MED12L: variants seen among roughly 807,000 people sequenced by gnomAD.
The protein encoded by MED12L is mediator of RNA polymerase II transcription subunit 12-like protein.
In MED12L, 60 loss-of-function variants were observed where a neutral mutation model predicts 281.3. The observed-to-expected ratio is 0.21, with a 90% CI of 0.17 to 0.26. The LOEUF (loss-of-function observed/expected upper bound fraction) is 0.26. Ranked by LOEUF, MED12L falls within the 10% of genes least tolerant of loss-of-function variation. MED12L has a pLI of 1.00. For synonymous variants in MED12L, 974 were observed against 987.2 expected (o/e 0.99, Z 0.25); for missense variants, 2,146 against 2,680.9 (o/e 0.80, Z 4.41).
At chr3:151,393,277 G>C (rs1200633019) in intron 38 of MED12L, among the ~76,000 whole-genome samples, 1 of 152,160 alleles carries the variant, frequency 6.6e-6, no homozygotes, top group African/African-American at 2.4e-5. Flanking sequence ...AAAAGAAGGG[G>C]AAGTAGATAA....
chr3:151,145,098 T>C (rs1010705240), intron 5 of MED12L, among the ~76,000 whole-genome samples: 3 of 152,222 alleles, frequency 2.0e-5, no homozygotes, highest in Non-Finnish European at 4.4e-5. Flanking sequence ...GAACACTTAC[T>C]AGCCCTGTTT....
At chr3:151,412,251 A>G (rs956125375) in intron 41 of MED12L, among the ~76,000 whole-genome samples, 3 of 152,230 alleles carry the variant, frequency 2.0e-5, no homozygotes, top group Non-Finnish European at 4.4e-5. Flanking sequence ...AAAAGGCTTC[A>G]TGCTTAGTTT....
At chr3:151,329,104 A>T in intron 16 of MED12L, 1 of 810,098 alleles carries the variant, frequency 1.2e-6, no homozygotes, top group East Asian at 2.6e-5. Context: ...TGTTTATAGC[A>T]TATTAACATC....
At chr3:151,337,655 A>T (rs943018779) in intron 16 of MED12L, 8 of 696,608 alleles carry the variant, frequency 1.1e-5, no homozygotes, top group Non-Finnish European at 1.9e-5. Context: ...ATAGCTTTTC[A>T]TACTGGAAAG....
At chr3:151,167,706 G>A (rs1026014910) in intron 11 of MED12L, among the ~76,000 whole-genome samples, 5 of 152,212 alleles carry the variant, frequency 3.3e-5, no homozygotes, top group African/African-American at 9.6e-5. Context: ...CTTCAGTGGA[G>A]CATGCTGATA....
rs188785565 is a variant in MED12L at position 151,430,438 on chromosome 3, G to A, written c.6490+58G>A. ...CTCCCGGAAAATTAAAAATAAGCCA[G>A]CGAAACGTAAAGTGGCGGCTCTCCC... On this transcript the variant is annotated intron_variant, in intron 44 of 44. Transcript: ENST00000687756. The A allele has an allele frequency of 2.0e-3, 3,275 of 1,605,350 alleles. 5 individuals carry two copies. Among genetic ancestry groups the A allele is most frequent in the Middle Eastern group, 2.7e-3 (16 of 6,020 alleles).
chr3:151,382,786 T>G, intron 33 of MED12L, 41 bp downstream of exon 33: 4 of 1,512,118 alleles, frequency 2.6e-6, no homozygotes, highest in Non-Finnish European at 3.6e-6. Context: ...TTAAACATAT[T>G]TACATGTGAA....
At chr3:151,239,385 G>A (rs1466302156) in intron 16 of MED12L, among the ~76,000 whole-genome samples, 1 of 152,202 alleles carries the variant, frequency 6.6e-6, no homozygotes, top group Admixed American at 6.5e-5. Context: ...TTATTTATCT[G>A]TATGGGATTG....
At chr3:151,261,490 A>G (rs1249547411) in intron 16 of MED12L, 1 of 152,124 alleles carries the variant, frequency 6.6e-6, no homozygotes, top group Non-Finnish European at 1.5e-5. Flanking sequence ...TACTTCCGTT[A>G]GAGAGGTTGG....
intron 16 of MED12L, among the ~76,000 whole-genome samples, chr3:151,247,873 C>G (rs986287910): frequency 9.9e-5 from 15 of 151,212 alleles, no homozygotes; most frequent in African/African-American, 3.6e-4. Flanking sequence ...TCTGCCTTCC[C>G]TTAGTTGCAG....
intron 16 of MED12L, among the ~76,000 whole-genome samples, chr3:151,339,397 CT>C (rs1375764385): frequency 2.7e-5 from 4 of 147,778 alleles, no homozygotes; most frequent in Admixed American, 6.8e-5. Flanking sequence ...GAAAATTACT[CT>C]TGGGAAACTT....
In MED12L at chr3:151,434,450, G is replaced by C. The variant is rs1263312127; in HGVS notation, c.*1646G>C. 1 of 152,036 alleles carries C rather than the reference G, an allele frequency of 6.6e-6. No individual in the cohort carries two copies. The highest frequency in any genetic ancestry group is 1.9e-4 in the East Asian group (1 of 5,200). The allele number at this position is 152,036 out of a possible 1,614,324, so 9.4% of individuals were successfully genotyped here. On this transcript the variant is annotated 3_prime_UTR_variant, in exon 45 of 45. Transcript: ENST00000687756. ...GCCTGCCCATTTTGTGTTTACTCTG[G>C]GCTGGAAAAGACTTTGCCAAAACAT...
At chr3:151,313,442 A>G (rs1207164151) in intron 16 of MED12L, among the ~76,000 whole-genome samples, 1 of 152,096 alleles carries the variant, frequency 6.6e-6, no homozygotes, top group Non-Finnish European at 1.5e-5. Flanking sequence ...GCAGTGGTTC[A>G]AGGTCAGAGC....
intron 1 of MED12L, chr3:151,086,477 A>G (rs1300661938): frequency 1.3e-5 from 2 of 148,196 alleles, no homozygotes; most frequent in African/African-American, 5.2e-5. Flanking sequence ...GGCGCCAAGA[A>G]AAGTTTTTTT....
intron 16 of MED12L, among the ~76,000 whole-genome samples, chr3:151,336,242 T>C (rs1462496478): frequency 2.6e-5 from 4 of 152,210 alleles, no homozygotes; most frequent in Non-Finnish European, 1.5e-5. Flanking sequence ...ATTACTGCTG[T>C]TTATCCCAGC....
intron 2 of MED12L, among the ~76,000 whole-genome samples, chr3:151,106,189 G>A (rs892858595): frequency 2.0e-5 from 3 of 151,118 alleles, no homozygotes; most frequent in East Asian, 2.0e-4. Flanking sequence ...TATTCAAGTC[G>A]GATAATGTCA....
intron 39 of MED12L, among the ~76,000 whole-genome samples, chr3:151,403,286 G>A (rs948384951): frequency 1.3e-5 from 2 of 152,092 alleles, no homozygotes; most frequent in South Asian, 4.2e-4. Context: ...TTCATGGCCT[G>A]GGCTTGGGAA....
intron 43 of MED12L, among the ~76,000 whole-genome samples, chr3:151,417,487 C>CCCCCCTTT (rs1717736742): frequency 2.5e-5 from 2 of 78,816 alleles, no homozygotes; most frequent in African/African-American, 5.0e-5. Flanking sequence ...CCCCCCCCGC[C>CCCCCCTTT]TTTTTTTTTT....
chr3:151,332,435 TA>T (rs1750451169), intron 16 of MED12L, among the ~76,000 whole-genome samples: 1 of 152,216 alleles, frequency 6.6e-6, no homozygotes, highest in Non-Finnish European at 1.5e-5. Context: ...CTAAAAGTGG[TA>T]AACTAAAAGT....
Sources: allele counts gnomAD v4.1 joint callset (sites outside exome capture counted in the v4.1 genomes callset), GRCh38; gene constraint gnomAD v4.1.1; transcripts MANE v1.5; gene names NCBI Gene and HGNC (gene_info 2026-07-23, HGNC 2026-07-21).